The following CFAP58 variants were observed in gnomAD, a reference collection of about 807,000 sequenced individuals.
CFAP58 encodes cilia- and flagella-associated protein 58.
In CFAP58, 88 loss-of-function variants were observed where a neutral mutation model predicts 119.5. The observed-to-expected ratio is 0.74, with a 90% CI of 0.62 to 0.88. The LOEUF (loss-of-function observed/expected upper bound fraction) is 0.88. Among genes scored for constraint, CFAP58 ranks in the 40% least tolerant of loss-of-function variants. The pLI is 0.00. For synonymous variants in CFAP58, 365 were observed against 366.3 expected (o/e 1.00, Z 0.04); for missense variants, 990 against 1,021.2 (o/e 0.97, Z 0.42).
At chr10:104,357,845 GTACACATATATACA>G (rs2014573455) in intron 1 of CFAP58, among the ~76,000 whole-genome samples, 26 of 91,544 alleles carry the variant, frequency 2.8e-4, no homozygotes, top group African/African-American at 1.7e-3. Context: ...GTACACATAT[GTACACATATATACA>G]CATATATACA....
rs111304310 is a variant in CFAP58 at position 104,380,214 on chromosome 10, G to A, written c.1359G>A (p.Thr453=). Residue 453 remains threonine, a synonymous_variant, in exon 9 of 18, where the codon ACG becomes ACA. Coordinates refer to ENST00000369704, the MANE Select transcript of CFAP58 (RefSeq NM_001008723.2). ...ACATCAACCAAGCCAGTGACCTTAC[G>A]CAAAAGGTAAGCTGCTCAGTGATGT... The part of the protein sequence containing the change: ...DRYINQASDL[T]QKVLMNMEDI... 2,654 of 1,613,324 alleles carry A rather than the reference G, an allele frequency of 1.6e-3. 26 individuals are homozygous for A. In the African/African-American group the frequency reaches 0.024, roughly 14 times the overall value.
At chr10:104,405,687 C>T (rs1275471403) in intron 14 of CFAP58, among the ~76,000 whole-genome samples, 1 of 152,190 alleles carries the variant, frequency 6.6e-6, no homozygotes, top group Non-Finnish European at 1.5e-5. Flanking sequence ...TGTTCTGCTG[C>T]CAATAATTAG....
intron 7 of CFAP58, among the ~76,000 whole-genome samples, chr10:104,374,833 T>G (rs543311168): frequency 6.8e-6 from 1 of 148,010 alleles, no homozygotes; most frequent in African/African-American, 2.5e-5. Context: ...CACAGGATTA[T>G]TGCTTATAAC....
At chr10:104,451,894 A>G (rs1230588076) in intron 17 of CFAP58, among the ~76,000 whole-genome samples, 1 of 138,318 alleles carries the variant, frequency 7.2e-6, no homozygotes, top group East Asian at 2.1e-4. Context: ...ATGCCCAGCT[A>G]ATTTTTTTTT....
chr10:104,415,437 T>G (rs1476660623), intron 15 of CFAP58, among the ~76,000 whole-genome samples: 1 of 152,100 alleles, frequency 6.6e-6, no homozygotes, highest in South Asian at 2.1e-4. Flanking sequence ...ATGACTCCCA[T>G]TCCCCACTGG....
At chr10:104,430,818 T>G (rs2012832929) in intron 15 of CFAP58, among the ~76,000 whole-genome samples, 1 of 152,240 alleles carries the variant, frequency 6.6e-6, no homozygotes, top group African/African-American at 2.4e-5. Flanking sequence ...GTAAAATTAA[T>G]TTTAATAACA....
At chr10:104,376,584 A>G (rs2011671675) in intron 7 of CFAP58, among the ~76,000 whole-genome samples, 1 of 151,898 alleles carries the variant, frequency 6.6e-6, no homozygotes, top group Non-Finnish European at 1.5e-5. Context: ...TGTTGGCTTC[A>G]GACTTTTGGC....
intron 1 of CFAP58, among the ~76,000 whole-genome samples, chr10:104,355,168 C>T (rs1296272145): frequency 6.6e-6 from 1 of 152,162 alleles, no homozygotes. Flanking sequence ...TCTCTTTCTT[C>T]CCATTTCCTT....
chr10:104,357,818 CATATATACACATATAT>C (rs1564875378), intron 1 of CFAP58, among the ~76,000 whole-genome samples: 1 of 145,658 alleles, frequency 6.9e-6, no homozygotes, highest in Non-Finnish European at 1.5e-5. Context: ...TATATATGTA[CATATATACACATATAT>C]GTACACATAT....
At chr10:104,390,661 A>G (rs1019910693) in intron 9 of CFAP58, among the ~76,000 whole-genome samples, 24 of 152,322 alleles carry the variant, frequency 1.6e-4, no homozygotes, top group South Asian at 4.1e-4. Context: ...GCAGAATCCA[A>G]TGAAAAATAT....
At chr10:104,358,688 C>T in intron 2 of CFAP58, 66 bp downstream of exon 2, 1 of 1,435,186 alleles carries the variant, frequency 7.0e-7, no homozygotes, top group Non-Finnish European at 9.5e-7. Context: ...TATATTGGCA[C>T]CTCTAGGCTG....
chr10:104,445,928 G>C (rs914799301), intron 15 of CFAP58, among the ~76,000 whole-genome samples: 2 of 152,220 alleles, frequency 1.3e-5, no homozygotes, highest in African/African-American at 4.8e-5. Flanking sequence ...TTCAGTTTAA[G>C]ACATTATTAT....
intron 1 of CFAP58, 47 bp from the exon 2 acceptor site, chr10:104,358,294 A>T (rs767364023): frequency 2.6e-6 from 4 of 1,559,418 alleles, no homozygotes; most frequent in South Asian, 1.2e-5. Flanking sequence ...GATGGTAATG[A>T]TGTAAATGTT....
intron 15 of CFAP58, among the ~76,000 whole-genome samples, chr10:104,414,767 T>A (rs2012521187): frequency 6.6e-6 from 1 of 152,216 alleles, no homozygotes; most frequent in Non-Finnish European, 1.5e-5. Flanking sequence ...CCTCCCGGGT[T>A]CACGCCATTC....
At chr10:104,420,365 G>T (rs1316297430) in intron 15 of CFAP58, among the ~76,000 whole-genome samples, 1 of 152,216 alleles carries the variant, frequency 6.6e-6, no homozygotes, top group Non-Finnish European at 1.5e-5. Flanking sequence ...TAGGCAGATA[G>T]AGTTTAAAAA....
the CFAP58 span, among the ~76,000 whole-genome samples, chr10:104,345,083 G>T: frequency 6.6e-6 from 1 of 151,896 alleles, no homozygotes; most frequent in Non-Finnish European, 1.5e-5. Flanking sequence ...CAAGGAGGAG[G>T]TTACAGTGAT....
intron 11 of CFAP58, among the ~76,000 whole-genome samples, chr10:104,395,008 T>C (rs750144792): frequency 1.9e-4 from 29 of 152,172 alleles, no homozygotes; most frequent in Non-Finnish European, 3.7e-4. Context: ...TAAAGGATGG[T>C]GTTGGGTCTC....
intron 16 of CFAP58, among the ~76,000 whole-genome samples, chr10:104,449,354 G>A (rs1485958494): frequency 6.6e-6 from 1 of 152,188 alleles, no homozygotes; most frequent in African/African-American, 2.4e-5. Context: ...TTGCATGCCT[G>A]TTAGAACAAT....
chr10:104,393,737 G>A (rs1338362026), intron 11 of CFAP58, among the ~76,000 whole-genome samples: 1 of 152,186 alleles, frequency 6.6e-6, no homozygotes, highest in Non-Finnish European at 1.5e-5. Context: ...TTTCATTTAT[G>A]CAGGCTATCA....
Sources: gnomAD v4.1 joint callset for allele counts (sites outside exome capture counted in the v4.1 genomes callset) on GRCh38, gnomAD v4.1.1 for gene constraint, MANE v1.5 for transcripts, NCBI Gene and HGNC (gene_info 2026-07-23, HGNC 2026-07-21) for gene names.